The following FAM20B variants were observed in gnomAD, a reference collection of about 807,000 sequenced individuals.
FAM20B encodes FAM20B glycosaminoglycan xylosylkinase.
A neutral mutation model predicts 43.8 loss-of-function variants in FAM20B; 23 were observed. That is an observed-to-expected ratio of 0.53 (90% CI 0.38 to 0.74). The LOEUF is 0.74. Among genes scored for constraint, FAM20B ranks in the 30% least tolerant of loss-of-function variants. The pLI is 0.00. For missense variants in FAM20B, 440 were observed against 510.5 expected (o/e 0.86, Z 1.33); for synonymous variants, 178 against 192.4 (o/e 0.93, Z 0.62).
chr1:179,036,141 A>AG lies in FAM20B; in HGVS notation c.-133-7573dup, dbSNP rs368014446. On this transcript the variant is annotated intron_variant, in intron 1 of 7. Coordinates refer to ENST00000263733, the MANE Select transcript of FAM20B (RefSeq NM_014864.4). ...CGAGACTCTGTCTCAAAATAAAAAAAGAAAGTAAGTAAATTAGCCTCCGTA... is the reference window on the plus strand; with the variant it reads ...CGAGACTCTGTCTCAAAATAAAAAAAGGAAAGTAAGTAAATTAGCCTCCGTA... Among the ~76,000 whole-genome samples, 352 of 152,294 alleles carry AG rather than the reference A, an allele frequency of 2.3e-3. 2 individuals carry two copies. The highest frequency in any genetic ancestry group is 8.1e-3 in the African/African-American group (335 of 41,546).
intron 4 of FAM20B, among the ~76,000 whole-genome samples, chr1:179,056,602 C>G (rs937017465): frequency 1.3e-5 from 2 of 152,224 alleles, no homozygotes; most frequent in Middle Eastern, 3.2e-3. Context: ...CCATAAACAT[C>G]TGTGTATAGC....
At chr1:179,045,741 C>T (rs1320776492) in intron 2 of FAM20B, among the ~76,000 whole-genome samples, 1 of 151,914 alleles carries the variant, frequency 6.6e-6, no homozygotes, top group Non-Finnish European at 1.5e-5. Flanking sequence ...AAAAAATTAG[C>T]TGGGCGTGGT....
chr1:179,036,445 T>C (rs1489996177), intron 1 of FAM20B, among the ~76,000 whole-genome samples: 2 of 152,240 alleles, frequency 1.3e-5, no homozygotes, highest in African/African-American at 2.4e-5. Flanking sequence ...ATTGTTGCAC[T>C]GTTTGAAGCA....
chr1:179,022,633 T>G (rs538654428), upstream of FAM20B, among the ~76,000 whole-genome samples: 1 of 152,196 alleles, frequency 6.6e-6, no homozygotes, highest in Non-Finnish European at 1.5e-5. Context: ...CTTACAATGA[T>G]GAAGGAACCA....
chr1:179,043,290 C>G (rs979871473), intron 1 of FAM20B, among the ~76,000 whole-genome samples: 2 of 152,196 alleles, frequency 1.3e-5, no homozygotes, highest in Non-Finnish European at 2.9e-5. Context: ...CAATTTTGCT[C>G]CACCCCAGAG....
chr1:179,041,960 G>A (rs1470280515), intron 1 of FAM20B, among the ~76,000 whole-genome samples: 1 of 152,174 alleles, frequency 6.6e-6, no homozygotes, highest in Non-Finnish European at 1.5e-5. Flanking sequence ...TTAGGCATGT[G>A]TAGCCAACCT....
chr1:179,054,614 C>T lies in FAM20B; in HGVS notation c.550C>T (p.Leu184=), dbSNP rs962411077. The T allele has an allele frequency of 4.3e-6, 7 of 1,609,722 alleles. No homozygotes were observed. Among genetic ancestry groups the T allele is most frequent in the South Asian group, 1.1e-5 (1 of 90,838 alleles). ...GATCAAACCTGTCGCCACAGAGCAG[C>T]TGTTGAGCACCTTCCTAACTGTAGG... ...TEIKPVATEQ[L]LSTFLTVGNN... is the part of the protein sequence containing the mutation. Residue 184 remains leucine (L), a synonymous_variant, in exon 4 of 8, where the codon CTG becomes TTG. Transcript: ENST00000263733.
At position 179,071,896 on chromosome 1, in the gene FAM20B, A is replaced by G. The variant is rs111556501; in HGVS notation, c.999-17A>G. ...TGAGAAGTTTTATGTACCTTGTTCT[A>G]TAACTTTTTCTCCCAGCATTCGGGT... is the stretch of plus-strand genomic sequence containing the variant. On this transcript the variant is annotated splice_polypyrimidine_tract_variant and intron_variant, in intron 7 of 7. Coordinates refer to ENST00000263733, the MANE Select transcript of FAM20B (RefSeq NM_014864.4). 3.2e-3 allele frequency: 5,028 copies of G among 1,578,588 alleles called. 86 individuals carry two copies. The African/African-American group carries it at 0.05, about 16-fold the overall frequency.
At position 179,064,447 on chromosome 1, in the gene FAM20B, C is replaced by G; in HGVS notation, c.889C>G (p.Gln297Glu). Residue 297 changes from glutamine (Q) to glutamate (E), a missense_variant, in exon 6 of 8, where the codon CAA (glutamine) becomes GAA (glutamate). Physicochemically the swap from Gln to Glu is conservative, Grantham distance 29. Coordinates refer to ENST00000263733, the MANE Select transcript of FAM20B (RefSeq NM_014864.4). ...NADRHHYESF[Q>E]DDEGASMLIL... is the part of the protein sequence containing the mutation. Reference sequence around the variant, plus strand: ...TGACCGCCATCACTATGAGAGCTTTCAAGATGATGAAGGCGCTAGTATGCT... The same window carrying G: ...TGACCGCCATCACTATGAGAGCTTTGAAGATGATGAAGGCGCTAGTATGCT... The G allele has an allele frequency of 6.2e-7, 1 of 1,614,136 alleles. No individual in the cohort carries two copies. The highest frequency in any genetic ancestry group is 8.5e-7 in the Non-Finnish European group (1 of 1,180,014).
the FAM20B span, among the ~76,000 whole-genome samples, chr1:179,020,414 C>T: frequency 6.6e-6 from 1 of 152,188 alleles, no homozygotes; most frequent in East Asian, 1.9e-4. Flanking sequence ...GGCTTTCTTC[C>T]TTGTCACATC....
rs768815241 is a variant in FAM20B at position 179,064,289 on chromosome 1, T to G, written c.747-16T>G. The G allele has an allele frequency of 6.3e-7, 1 of 1,592,622 alleles. No individual in the cohort carries two copies. The highest frequency in any genetic ancestry group is 8.6e-7 in the Non-Finnish European group (1 of 1,165,172). On this transcript the variant is annotated splice_polypyrimidine_tract_variant and intron_variant, in intron 5 of 7. Transcript: ENST00000263733. ...ACAGTGTTGTCACTCAGTGCTGTGA[T>G]GCTGCTTGTCTCCAGGTGGGAGTAT...
intron 1 of FAM20B, among the ~76,000 whole-genome samples, chr1:179,038,360 G>A (rs985891341): frequency 2.0e-5 from 3 of 149,286 alleles, no homozygotes; most frequent in Non-Finnish European, 3.0e-5. Context: ...GTGGTGAGCC[G>A]AGATTGCTCC....
rs1345796010 is a variant in FAM20B, at chr1:179,072,142, T to C, written c.1228T>C (p.Ter410GlnextTer7). The stretch of plus-strand genomic sequence containing the variant: ...AGACAGGATGCCTCTCTCACACTTG[T>C]AATTCTCGACACAAAATAAGTGAAA... ...VEDRMPLSHL[*>Q] is the part of the protein sequence containing the mutation. Residue 410 changes from the stop codon to glutamine (Q), a stop_lost, in exon 8 of 8, where the codon TAA becomes CAA. Transcript: ENST00000263733. 2 of 1,604,944 alleles carry C rather than the reference T, an allele frequency of 1.2e-6. No homozygotes were observed. Among genetic ancestry groups the C allele is most frequent in the Admixed American group, 1.7e-5 (1 of 59,128 alleles).
chr1:179,041,461 C>G (rs1283709093), intron 1 of FAM20B, among the ~76,000 whole-genome samples: 3 of 152,114 alleles, frequency 2.0e-5, no homozygotes, highest in Non-Finnish European at 2.9e-5. Flanking sequence ...GGAGACCAGC[C>G]CGGCCAACAC....
chr1:179,041,317 G>A lies in FAM20B; in HGVS notation c.-133-2398G>A, dbSNP rs536143893. ...GGCCAAGGCAGGCGGCTGGGAGGTGGAGGTTGTAGCGAGCCGAGATCACGC... is the reference window on the plus strand; with the variant it reads ...GGCCAAGGCAGGCGGCTGGGAGGTGAAGGTTGTAGCGAGCCGAGATCACGC... On this transcript the variant is annotated intron_variant, in intron 1 of 7. Transcript: ENST00000263733. Among the ~76,000 whole-genome samples, 1,299 of 152,322 alleles carry A rather than the reference G, an allele frequency of 8.5e-3. 17 individuals carry two copies. Among genetic ancestry groups the A allele is most frequent in the African/African-American group, 0.03 (1,230 of 41,570 alleles).
Position 179,066,785 on chromosome 1 carries a change from T to C in FAM20B, c.939-15T>C. The stretch of plus-strand genomic sequence containing the variant: ...TACTTCCACCTAATTCACTAAGTTT[T>C]AATTTAATTTTCAGCTTTGGGAACC... On this transcript the variant is annotated splice_polypyrimidine_tract_variant and intron_variant, in intron 6 of 7. Transcript: ENST00000263733. 2 of 1,593,798 alleles carry C rather than the reference T, an allele frequency of 1.3e-6. No homozygotes were observed. Among genetic ancestry groups the C allele is most frequent in the Non-Finnish European group, 1.7e-6 (2 of 1,161,466 alleles).
chr1:179,058,517 T>C (rs1651321333), intron 4 of FAM20B, among the ~76,000 whole-genome samples: 1 of 152,124 alleles, frequency 6.6e-6, no homozygotes, highest in African/African-American at 2.4e-5. Context: ...GCTGTTTAGC[T>C]GAAGGAAAGG....
At chr1:179,071,136 A>T (rs1386780623) in intron 7 of FAM20B, among the ~76,000 whole-genome samples, 1 of 151,882 alleles carries the variant, frequency 6.6e-6, no homozygotes, top group African/African-American at 2.4e-5. Context: ...CTACTAAAAA[A>T]TACAAAAAAA....
rs764414031 is a variant in FAM20B at position 179,066,827 on chromosome 1, A to C, written c.966A>C (p.Arg322Ser). 3 of 1,613,206 alleles carry C rather than the reference A, an allele frequency of 1.9e-6. No individual in the cohort carries two copies. The East Asian group carries it at 6.7e-5, about 36-fold the overall frequency. ...TTGGGAACCCCTCGCTGGATGAAAGAAGCATTCTTGCCCCTCTCTATCAGT... is the reference window on the plus strand; with the variant it reads ...TTGGGAACCCCTCGCTGGATGAAAGCAGCATTCTTGCCCCTCTCTATCAGT... Reference protein sequence around the residue: ...KSFGNPSLDERSILAPLYQCC... With the variant: ...KSFGNPSLDESSILAPLYQCC... Residue 322 changes from arginine (R) to serine (S), a missense_variant, in exon 7 of 8, where the codon AGA becomes AGC. Transcript: ENST00000263733.
Sources: allele counts gnomAD v4.1 joint callset (sites outside exome capture counted in the v4.1 genomes callset), GRCh38; gene constraint gnomAD v4.1.1; transcripts MANE v1.5; gene names NCBI Gene and HGNC (gene_info 2026-07-23, HGNC 2026-07-21).